Variants in TMEM212 observed in about 807,000 individuals in gnomAD.
TMEM212 encodes transmembrane protein 212.
In TMEM212, 23 loss-of-function variants were observed where a neutral mutation model predicts 20.5. The observed-to-expected ratio is 1.12, with a 90% CI of 0.81 to 1.59. The LOEUF (loss-of-function observed/expected upper bound fraction) is 1.59, where lower values mean the gene tolerates loss of function less well. Among genes scored for constraint, TMEM212 ranks in the 40% most tolerant of loss-of-function variants. TMEM212 has a pLI of 0.00. For missense variants in TMEM212, 211 were observed against 215.0 expected (o/e 0.98, Z 0.12); for synonymous variants, 76 against 81.6 (o/e 0.93, Z 0.37).
chr3:171,856,392 G>T (rs1396809018), intron 3 of TMEM212, among the ~76,000 whole-genome samples: 1 of 152,168 alleles, frequency 6.6e-6, no homozygotes, highest in Admixed American at 6.6e-5. Context: ...CACTGTAAGT[G>T]CTGCTTGCCC....
At chr3:171,844,503 C>T (rs556618287) in intron 1 of TMEM212, among the ~76,000 whole-genome samples, 54 of 152,218 alleles carry the variant, frequency 3.5e-4, no homozygotes, top group East Asian at 9.7e-4. Flanking sequence ...GTCAGGAGTT[C>T]GAGACCAGCC....
chr3:171,851,963 T>G lies in TMEM212; in HGVS notation c.160-19T>G, dbSNP rs1724986738. ...TACCTTCTGTGGTGGATGTTTATTTTTCCATTTTCTTGTCACAGGCCATCA... is the reference window on the plus strand; with the variant it reads ...TACCTTCTGTGGTGGATGTTTATTTGTCCATTTTCTTGTCACAGGCCATCA... On this transcript the variant is annotated intron_variant, in intron 1 of 4. Coordinates refer to ENST00000334567, the MANE Select transcript of TMEM212 (RefSeq NM_001164436.2). 6.5e-7 allele frequency: 1 copy of G among 1,536,350 alleles called. No individual in the cohort carries two copies. Among genetic ancestry groups the G allele is most frequent in the Admixed American group, 2.0e-5 (1 of 50,970 alleles).
At chr3:171,852,093 C>G in intron 2 of TMEM212, 52 bp downstream of exon 2, 3 of 1,360,218 alleles carry the variant, frequency 2.2e-6, no homozygotes, top group Non-Finnish European at 3.0e-6. Context: ...AAGGTCAAAT[C>G]ACTACTAAGT....
intron 2 of TMEM212, among the ~76,000 whole-genome samples, chr3:171,853,323 G>GA (rs201293595): frequency 0.01 from 1,115 of 110,602 alleles, 5 homozygotes; most frequent in Middle Eastern, 0.019. Context: ...CTTAAAAAGT[G>GA]AAAAAAAAAA....
At position 171,856,643 on chromosome 3, in the gene TMEM212, G is replaced by A. The variant is rs1347077737; in HGVS notation, c.544-20G>A. The A allele has an allele frequency of 4.4e-6, 3 of 674,848 alleles. No individual in the cohort carries two copies. The highest frequency in any genetic ancestry group is 8.1e-6 in the Non-Finnish European group (3 of 370,040). 41.8% of individuals were successfully genotyped at this position (674,848 alleles called of 1,614,324 possible). A position where few individuals can be genotyped will look rare whatever the true frequency, so the allele number is the denominator to read the frequency against. On this transcript the variant is annotated intron_variant, in intron 3 of 4. Coordinates refer to ENST00000334567, the MANE Select transcript of TMEM212 (RefSeq NM_001164436.2). ...TTTAAGAAGCCTTATCAAATTTGCT[G>A]TCTCTCATATGTCTTACAGATGCAA...
intron 1 of TMEM212, among the ~76,000 whole-genome samples, chr3:171,848,616 G>GAATA (rs1724894764): frequency 4.7e-5 from 2 of 42,144 alleles, no homozygotes; most frequent in Non-Finnish European, 8.4e-5. Flanking sequence ...ATAGAACAGA[G>GAATA]GAGAACAGAG....
rs1316967355 is a variant in TMEM212, at chr3:171,853,836, A to G, written c.529A>G (p.Asn177Asp). 1.3e-6 allele frequency: 2 copies of G among 1,535,092 alleles called. No homozygotes were observed. The highest frequency in any genetic ancestry group is 2.4e-5 in the East Asian group (1 of 40,860). The change falls in exon 3 of 5, where the codon AAT becomes GAT. Residue 177 changes from asparagine to aspartate, a missense_variant. Physicochemically the swap from Asn to Asp is conservative, Grantham distance 23. Coordinates refer to ENST00000334567, the MANE Select transcript of TMEM212 (RefSeq NM_001164436.2). Reference sequence around the variant, plus strand: ...CAAACTTTCTGCAAGACTTATCCAGAATGGACACATAAACGTAAGTTTCAA... The same window carrying G: ...CAAACTTTCTGCAAGACTTATCCAGGATGGACACATAAACGTAAGTTTCAA... ...FIKLSARLIQ[N>D]GHINMQLPAG...
chr3:171,850,044 T>C (rs1334101155), intron 1 of TMEM212, among the ~76,000 whole-genome samples: 1 of 152,104 alleles, frequency 6.6e-6, no homozygotes, highest in African/African-American at 2.4e-5. Context: ...CTCTTCCCCT[T>C]GACTTGTCCT....
At chr3:171,853,893 T>C in intron 3 of TMEM212, 43 bp downstream of exon 3, 1 of 1,425,622 alleles carries the variant, frequency 7.0e-7, no homozygotes, top group Non-Finnish European at 9.4e-7. Flanking sequence ...TTCCATCTTG[T>C]ATGCTAAAAT....
At chr3:171,855,881 A>G (rs1725103075) in intron 3 of TMEM212, among the ~76,000 whole-genome samples, 1 of 152,222 alleles carries the variant, frequency 6.6e-6, no homozygotes, top group African/African-American at 2.4e-5. Context: ...CATAAAATAC[A>G]TTTTTGGTAA....
rs1458799520 is a variant in TMEM212 at position 171,843,457 on chromosome 3, T to C, written c.74T>C (p.Ile25Thr). 7.2e-6 allele frequency: 11 copies of C among 1,537,194 alleles called. No homozygotes were observed. The highest frequency in any genetic ancestry group is 9.6e-6 in the Non-Finnish European group (11 of 1,146,860). The change falls in exon 1 of 5, where the codon ATT (isoleucine) becomes ACT (threonine). Residue 25 changes from isoleucine to threonine, a missense_variant. Transcript: ENST00000334567. Reference sequence around the variant, plus strand: ...ATCCTCAGTGTATGCTCTGGAGTTATTGCTTTCTTTCCTGTCTTTTCTTAC... The same window carrying C: ...ATCCTCAGTGTATGCTCTGGAGTTACTGCTTTCTTTCCTGTCTTTTCTTAC... ...LGILSVCSGV[I>T]AFFPVFSYKP...
chr3:171,843,364 G>T lies in TMEM212; in HGVS notation c.-20G>T, dbSNP rs538741922. ...GTAACAAAACATCTTTGAGACCAAG[G>T]CCTCAAGCCACCAAGGAAAATGAAG... On this transcript the variant is annotated 5_prime_UTR_variant, in exon 1 of 5. Coordinates refer to ENST00000334567, the MANE Select transcript of TMEM212 (RefSeq NM_001164436.2). The T allele has an allele frequency of 1.4e-4, 215 of 1,526,194 alleles. 3 individuals carry two copies. The South Asian group carries it at 2.5e-3, about 18-fold the overall frequency. The allele number at this position is 1,526,194 out of a possible 1,614,324, so 94.5% of individuals were successfully genotyped here.
intron 1 of TMEM212, 107 bp downstream of exon 1, chr3:171,843,649 T>A: frequency 1.0e-6 from 1 of 978,974 alleles, no homozygotes; most frequent in Non-Finnish European, 1.4e-6. Context: ...TACAAAGAAG[T>A]CAAAATTCCA....
At chr3:171,852,699 G>A (rs1553853063) in intron 2 of TMEM212, among the ~76,000 whole-genome samples, 1 of 152,050 alleles carries the variant, frequency 6.6e-6, no homozygotes, top group Non-Finnish European at 1.5e-5. Flanking sequence ...CAATCTTCTT[G>A]GTACCTCTCC....
chr3:171,846,095 C>A (rs1369760006), intron 1 of TMEM212, among the ~76,000 whole-genome samples: 1 of 152,184 alleles, frequency 6.6e-6, no homozygotes, highest in Non-Finnish European at 1.5e-5. Context: ...TACCACTCTT[C>A]CCTTAGGTCA....
intron 3 of TMEM212, among the ~76,000 whole-genome samples, chr3:171,854,091 C>A (rs1725057595): frequency 6.6e-6 from 1 of 152,088 alleles, no homozygotes; most frequent in African/African-American, 2.4e-5. Flanking sequence ...TTATGTCAAT[C>A]CACAATTTTG....
Position 171,858,134 on chromosome 3 carries a change from A to G in TMEM212, c.*77A>G, listed in dbSNP as rs561975922. On this transcript the variant is annotated 3_prime_UTR_variant, in exon 5 of 5. Coordinates refer to ENST00000334567, the MANE Select transcript of TMEM212 (RefSeq NM_001164436.2). ...CCCAAGACAATCCTAAGCAAAAAGA[A>G]CAAAGCTGGAGGCATCACACTACCT... 2.7e-4 allele frequency: 41 copies of G among 152,292 alleles called. 1 individual carries two copies. Among genetic ancestry groups the G allele is most frequent in the African/African-American group, 9.6e-4 (40 of 41,516 alleles). The allele number at this position is 152,292 out of a possible 1,614,324, so 9.4% of individuals were successfully genotyped here.
Position 171,853,828 on chromosome 3 carries a change from T to C in TMEM212, c.521T>C (p.Leu174Pro), listed in dbSNP as rs973409879. The change falls in exon 3 of 5, where the codon CTT (leucine) becomes CCT (proline). Residue 174 changes from leucine (L) to proline (P), a missense_variant. Transcript: ENST00000334567. The part of the protein sequence containing the change: ...LTVFIKLSAR[L>P]IQNGHINMQL... The stretch of plus-strand genomic sequence containing the variant: ...GTGTTCATCAAACTTTCTGCAAGAC[T>C]TATCCAGAATGGACACATAAACGTA... 4.9e-5 allele frequency: 76 copies of C among 1,536,324 alleles called. No homozygotes were observed. Among genetic ancestry groups the C allele is most frequent in the Non-Finnish European group, 6.3e-5 (72 of 1,146,324 alleles).
intron 1 of TMEM212, among the ~76,000 whole-genome samples, chr3:171,848,216 G>A (rs116254643): frequency 0.028 from 4,277 of 152,156 alleles, 202 homozygotes; most frequent in African/African-American, 0.097. Flanking sequence ...TGAGATGCAG[G>A]TTCTAATTCA....
Sources: gnomAD v4.1 joint callset for allele counts (sites outside exome capture counted in the v4.1 genomes callset) on GRCh38, gnomAD v4.1.1 for gene constraint, MANE v1.5 for transcripts, NCBI Gene and HGNC (gene_info 2026-07-23, HGNC 2026-07-21) for gene names.